TECPR2: variants seen among roughly 807,000 people sequenced by gnomAD.
TECPR2 encodes tectonin beta-propeller repeat-containing protein 2.
Under a neutral mutation model 138.1 loss-of-function variants are expected in TECPR2, and 65 were observed. The ratio of observed to expected loss-of-function variants is 0.47; its 90% CI spans 0.39 to 0.58. TECPR2 has a LOEUF of 0.58. TECPR2 is among the 20% of genes least tolerant of loss of function. TECPR2 has a pLI of 0.00. For missense variants in TECPR2, 1,553 were observed against 1,824.5 expected (o/e 0.85, Z 2.71); for synonymous variants, 746 against 749.8 (o/e 0.99, Z 0.08).
chr14:102,372,230 T>C (rs1887524141), intron 1 of TECPR2, among the ~76,000 whole-genome samples: 1 of 152,090 alleles, frequency 6.6e-6, no homozygotes, highest in Admixed American at 6.6e-5. Context: ...GGATTACAGG[T>C]GTGACCTACT....
In TECPR2 at chr14:102,492,284, C is replaced by T. The variant is rs549501422; in HGVS notation, c.3790-4695C>T. ...TGCCAGGGAGTGCCAGTCCTCCTTT[C>T]GGAGAGAAGCCACTATGCCATGAGC... On this transcript the variant is annotated intron_variant, in intron 17 of 19. Transcript: ENST00000359520. 1.3e-4 allele frequency among the ~76,000 whole-genome samples: 20 copies of T among 152,296 alleles called. 1 individual carries two copies. Among genetic ancestry groups the T allele is most frequent in the African/African-American group, 4.3e-4 (18 of 41,572 alleles).
intron 2 of TECPR2, among the ~76,000 whole-genome samples, chr14:102,382,742 A>G (rs1320803047): frequency 6.6e-6 from 1 of 151,832 alleles, no homozygotes; most frequent in Non-Finnish European, 1.5e-5. Context: ...TTAAAATATA[A>G]TTTACACAAA....
At chr14:102,433,870 A>G (rs1001563372) in intron 8 of TECPR2, among the ~76,000 whole-genome samples, 1 of 152,172 alleles carries the variant, frequency 6.6e-6, no homozygotes, top group African/African-American at 2.4e-5. Context: ...GAATTTTTCA[A>G]ACCTTTTACT....
chr14:102,448,583 C>T (rs906845048), intron 13 of TECPR2, among the ~76,000 whole-genome samples: 36 of 152,202 alleles, frequency 2.4e-4, no homozygotes, highest in Non-Finnish European at 4.9e-4. Context: ...TAGTTCATCA[C>T]AGCCTTGCAT....
chr14:102,431,946 C>T lies in TECPR2; in HGVS notation c.1235C>T (p.Ser412Leu), dbSNP rs367895391. Reference protein sequence around the residue: ...VASEPRSRSSSLNSTDSGSGL... With the variant: ...VASEPRSRSSLLNSTDSGSGL... ...AGCGAGCCAAGGAGCAGGAGCAGCT[C>T]GCTCAACTCCACCGACAGCGGCTCC... The change falls in exon 8 of 20, where the codon TCG (serine) becomes TTG (leucine). Residue 412 changes from serine (S) to leucine (L), a missense_variant. Transcript: ENST00000359520. 2.5e-5 allele frequency: 41 copies of T among 1,612,792 alleles called. No homozygotes were observed. The highest frequency in any genetic ancestry group is 3.3e-5 in the South Asian group (3 of 91,052).
At position 102,376,735 on chromosome 14, in the gene TECPR2, C is replaced by T. The variant is rs763915951; in HGVS notation, c.14C>T (p.Ser5Leu). 2.5e-5 allele frequency: 40 copies of T among 1,614,098 alleles called. No homozygotes were observed. The highest frequency in any genetic ancestry group is 3.3e-5 in the Non-Finnish European group (39 of 1,180,036). The change falls in exon 2 of 20, where the codon TCA (serine) becomes TTA (leucine). Residue 5 changes from serine (S) to leucine (L), a missense_variant. Ser to Leu is a moderately radical substitution (Grantham distance 145). Coordinates refer to ENST00000359520, the MANE Select transcript of TECPR2 (RefSeq NM_014844.5). ...GAAACCTTGGCCATGGCATCGATAT[C>T]AGAGCCTGTTACATTCAGAGAGTTC... MASI[S>L]EPVTFREFCP... is the part of the protein sequence containing the mutation.
rs754426151 is a variant in TECPR2, at chr14:102,425,178, G to A, written c.838G>A (p.Gly280Arg). ...CCCGCGTCTGGAATCCCCCAACAGT[G>A]GAAGTTGCAGCTTACCTGAGAGGCA... Reference protein sequence around the residue: ...LHPRLESPNSGSCSLPERHLG... With the variant: ...LHPRLESPNSRSCSLPERHLG... The change falls in exon 6 of 20, where the codon GGA (glycine) becomes AGA (arginine). Residue 280 changes from glycine to arginine, a missense_variant. Physicochemically the swap from Gly to Arg is moderately radical, Grantham distance 125 (BLOSUM62 -2). Coordinates refer to ENST00000359520, the MANE Select transcript of TECPR2 (RefSeq NM_014844.5). The A allele has an allele frequency of 6.2e-7, 1 of 1,614,166 alleles. No individual in the cohort carries two copies. Among genetic ancestry groups the A allele is most frequent in the South Asian group, 1.1e-5 (1 of 91,072 alleles).
rs2277467 is a variant in TECPR2, at chr14:102,465,023, A to G, written c.3641-118A>G. On this transcript the variant is annotated intron_variant, in intron 16 of 19. Transcript: ENST00000359520. ...TCCGATGACTTAGTGTCCAAGTTCA[A>G]TTGCAAATGCAGCCTCATTTCTTTC... The G allele has an allele frequency of 0.035, 44,224 of 1,281,502 alleles. 906 individuals are homozygous for G. Among genetic ancestry groups the G allele is most frequent in the African/African-American group, 0.056 (3,743 of 66,768 alleles). 79.4% of individuals were successfully genotyped at this position (1,281,502 alleles called of 1,614,324 possible). A position where few individuals can be genotyped will look rare whatever the true frequency, so the allele number is the denominator to read the frequency against.
intron 17 of TECPR2, among the ~76,000 whole-genome samples, chr14:102,470,482 A>AT (rs1384497623): frequency 6.6e-6 from 1 of 150,492 alleles, no homozygotes; most frequent in Non-Finnish European, 1.5e-5. Flanking sequence ...TAATTTTTCT[A>AT]TTTTTAGTAG....
chr14:102,428,218 T>G (rs1320949728), intron 6 of TECPR2, 32 bp from the exon 7 acceptor site: 17 of 1,465,210 alleles, frequency 1.2e-5, no homozygotes, highest in Non-Finnish European at 1.5e-5. Context: ...GTTTTGTGTT[T>G]TTTGTTTTTT....
chr14:102,481,336 A>G (rs1044628888), intron 17 of TECPR2, among the ~76,000 whole-genome samples: 67 of 152,086 alleles, frequency 4.4e-4, no homozygotes, highest in Admixed American at 2.6e-4. Flanking sequence ...TTTAGTAGAG[A>G]TGGGGTTTCA....
chr14:102,485,980 G>A (rs1480593242), intron 17 of TECPR2, among the ~76,000 whole-genome samples: 1 of 152,200 alleles, frequency 6.6e-6, no homozygotes, highest in Non-Finnish European at 1.5e-5. Flanking sequence ...CAGGAAGAGT[G>A]GCCAGTTGGC....
chr14:102,488,572 G>A (rs372820733), intron 17 of TECPR2, among the ~76,000 whole-genome samples: 2 of 151,544 alleles, frequency 1.3e-5, no homozygotes, highest in East Asian at 1.9e-4. Flanking sequence ...TCAAACTCCC[G>A]ACCTCAGGTG....
intron 17 of TECPR2, among the ~76,000 whole-genome samples, chr14:102,479,016 C>CAAAAAAAAAAAA (rs34162369): frequency 9.8e-6 from 1 of 102,088 alleles, no homozygotes. Flanking sequence ...GGCCCTGTCT[C>CAAAAAAAAAAAA]AAAAAAAAAA....
intron 1 of TECPR2, among the ~76,000 whole-genome samples, chr14:102,374,674 TAGC>T (rs1158362978): frequency 1.5e-4 from 23 of 152,314 alleles, no homozygotes; most frequent in Admixed American, 1.1e-3. Context: ...TACAGGCATG[TAGC>T]ACCATGCCTG....
intron 17 of TECPR2, among the ~76,000 whole-genome samples, chr14:102,468,896 T>A (rs140355664): frequency 1.3e-5 from 2 of 152,336 alleles, no homozygotes; most frequent in African/African-American, 4.8e-5. Context: ...TTCAACACCC[T>A]TGTCAAAATC....
intron 2 of TECPR2, among the ~76,000 whole-genome samples, chr14:102,398,072 C>CAAAAAAAAAAAAAAAA (rs560266373): frequency 3.5e-4 from 16 of 45,434 alleles, no homozygotes; most frequent in East Asian, 5.8e-4. Context: ...GATTCTGTCT[C>CAAAAAAAAAAAAAAAA]AAAAAAAAAA....
chr14:102,491,355 A>G (rs570180154), intron 17 of TECPR2, among the ~76,000 whole-genome samples: 16 of 152,334 alleles, frequency 1.1e-4, no homozygotes, highest in Non-Finnish European at 1.5e-4. Flanking sequence ...AGCTGGGACT[A>G]TAGGCACATG....
chr14:102,483,689 C>T (rs1321940418), intron 17 of TECPR2, among the ~76,000 whole-genome samples: 2 of 151,956 alleles, frequency 1.3e-5, no homozygotes, highest in African/African-American at 2.4e-5. Flanking sequence ...AGCAATCCTG[C>T]CACCTTGGCC....
Sources: allele counts gnomAD v4.1 joint callset (sites outside exome capture counted in the v4.1 genomes callset), GRCh38; gene constraint gnomAD v4.1.1; transcripts MANE v1.5; gene names NCBI Gene and HGNC (gene_info 2026-07-23, HGNC 2026-07-21).